SESTD1: variants seen among roughly 807,000 people sequenced by gnomAD.
SESTD1 encodes the protein SEC14 and spectrin domain containing 1, also known as SEC14 domain and spectrin repeat-containing protein 1.
A neutral mutation model predicts 101.7 loss-of-function variants in SESTD1; 43 were observed. The observed-to-expected ratio is 0.42, with a 90% CI of 0.33 to 0.55. The LOEUF is 0.55. SESTD1 is among the 20% of genes least tolerant of loss of function. The probability of loss-of-function intolerance (pLI) is 0.07; values close to 1 mark genes in which losing one functional copy is unlikely to be tolerated. For missense variants in SESTD1, 647 were observed against 815.1 expected (o/e 0.79, Z 2.51); for synonymous variants, 283 against 286.8 (o/e 0.99, Z 0.13).
rs777655584 is a variant in SESTD1 at position 179,149,330 on chromosome 2, C to T, written c.548G>A (p.Gly183Glu). Reference protein sequence around the residue: ...LLDELALINNGSDKGNQQEKE... With the variant: ...LLDELALINNESDKGNQQEKE... Reference sequence around the variant, plus strand: ...CTCTTGCTGATTTCCTTTATCACTTCCATTGTTAATCAAAGCAAGTTCATC... The same window carrying T: ...CTCTTGCTGATTTCCTTTATCACTTTCATTGTTAATCAAAGCAAGTTCATC... Residue 183 changes from glycine to glutamate, a missense_variant, in exon 7 of 18, where the codon GGA becomes GAA. Physicochemically the swap from Gly to Glu is moderately conservative, Grantham distance 98 (BLOSUM62 -2). Coordinates refer to ENST00000428443, the MANE Select transcript of SESTD1 (RefSeq NM_178123.5). 1 of 1,611,318 alleles carries T rather than the reference C, an allele frequency of 6.2e-7. No homozygotes were observed. The highest frequency in any genetic ancestry group is 1.1e-5 in the South Asian group (1 of 90,414).
rs182436159 is a variant in SESTD1 at position 179,196,427 on chromosome 2, A to G, written c.-25-4561T>C. 2.6e-5 allele frequency among the ~76,000 whole-genome samples: 4 copies of G among 152,254 alleles called. No individual in the cohort carries two copies. The East Asian group carries it at 5.8e-4, about 22-fold the overall frequency. Reference sequence around the variant, plus strand: ...GCTTGCTTAGGTAAACAAAGCAGCCAGGAAGCTCAAACTGGGTGGAGCCCA... The same window carrying G: ...GCTTGCTTAGGTAAACAAAGCAGCCGGGAAGCTCAAACTGGGTGGAGCCCA... On this transcript the variant is annotated intron_variant, in intron 1 of 17. Transcript: ENST00000428443.
At chr2:179,166,347 T>C (rs1245640634) in intron 5 of SESTD1, among the ~76,000 whole-genome samples, 1 of 152,074 alleles carries the variant, frequency 6.6e-6, no homozygotes, top group East Asian at 1.9e-4. Context: ...GCCCAAAATC[T>C]TCAATGCTAT....
At chr2:179,215,086 T>C (rs371965000) in intron 1 of SESTD1, among the ~76,000 whole-genome samples, 3 of 133,248 alleles carry the variant, frequency 2.3e-5, no homozygotes, top group Non-Finnish European at 3.2e-5. Context: ...GAACTAGAGA[T>C]GCAAGAGCAA....
At chr2:179,248,877 T>C (rs1574067007) in intron 1 of SESTD1, among the ~76,000 whole-genome samples, 1 of 149,004 alleles carries the variant, frequency 6.7e-6, no homozygotes, top group East Asian at 2.0e-4. Flanking sequence ...GCCCAGGAGT[T>C]CAAGACCAAC....
intron 17 of SESTD1, among the ~76,000 whole-genome samples, chr2:179,110,822 T>G (rs1379594038): frequency 6.6e-6 from 1 of 152,186 alleles, no homozygotes; most frequent in Non-Finnish European, 1.5e-5. Context: ...AATATTTAAT[T>G]CAGCAAAATA....
At position 179,229,749 on chromosome 2, in the gene SESTD1, TTATATATATA is replaced by T. The variant is rs71023472; in HGVS notation, c.-26+34740_-26+34749del. On this transcript the variant is annotated intron_variant, in intron 1 of 17. Transcript: ENST00000428443. ...AAGAAATTTAAGATTTTGTAAGAAC[TTATATATATA>T]TATATATATATATATACTCAAATAC... Among the ~76,000 whole-genome samples, 104 of 106,358 alleles carry T rather than the reference TTATATATATA, an allele frequency of 9.8e-4. 2 individuals carry two copies. The highest frequency in any genetic ancestry group is 1.7e-3 in the Non-Finnish European group (88 of 50,884). The allele number at this position is 106,358 out of a possible 152,430, so 69.8% of individuals were successfully genotyped here.
At chr2:179,118,719 T>C (rs531376346) in intron 13 of SESTD1, among the ~76,000 whole-genome samples, 2 of 152,372 alleles carry the variant, frequency 1.3e-5, no homozygotes, top group African/African-American at 4.8e-5. Context: ...GTATCATACA[T>C]ATACTGTATT....
intron 1 of SESTD1, among the ~76,000 whole-genome samples, chr2:179,228,306 T>C (rs189609848): frequency 4.2e-4 from 64 of 152,316 alleles, no homozygotes; most frequent in African/African-American, 1.5e-3. Context: ...CTGAATATTA[T>C]ACCTCTTACC....
At chr2:179,235,640 G>A (rs982864110) in intron 1 of SESTD1, among the ~76,000 whole-genome samples, 1 of 152,022 alleles carries the variant, frequency 6.6e-6, no homozygotes, top group Non-Finnish European at 1.5e-5. Flanking sequence ...CAGCACTATT[G>A]CCTCAATTAC....
chr2:179,259,857 TAACAA>T (rs2047457606), intron 1 of SESTD1, among the ~76,000 whole-genome samples: 2 of 152,248 alleles, frequency 1.3e-5, no homozygotes, highest in African/African-American at 4.8e-5. Context: ...GTCACAAGGC[TAACAA>T]GTGACAACAC....
chr2:179,121,843 C>A lies in SESTD1; in HGVS notation c.1369G>T (p.Val457Leu). The change falls in exon 13 of 18, where the codon GTA becomes TTA. Residue 457 changes from valine to leucine, a missense_variant. Val to Leu is a conservative substitution (Grantham distance 32). Around this residue, in one of 3 missense-constraint regions of SESTD1, gnomAD observed 476 missense variants for 562.6 expected, o/e 0.85. Coordinates refer to ENST00000428443, the MANE Select transcript of SESTD1 (RefSeq NM_178123.5). Reference sequence around the variant, plus strand: ...ACATTTTCTTTATTTTCAATGGTTACATCCTTTCCATAGGCCCAGGATGCC... The same window carrying A: ...ACATTTTCTTTATTTTCAATGGTTAAATCCTTTCCATAGGCCCAGGATGCC... ...NQASWAYGKDVTIENKENVDH... is the reference protein window; with the variant it reads ...NQASWAYGKDLTIENKENVDH... 6.2e-7 allele frequency: 1 copy of A among 1,610,380 alleles called. No homozygotes were observed. The highest frequency in any genetic ancestry group is 8.5e-7 in the Non-Finnish European group (1 of 1,178,344).
chr2:179,112,361 C>G (rs1462324643), intron 17 of SESTD1, among the ~76,000 whole-genome samples: 1 of 152,190 alleles, frequency 6.6e-6, no homozygotes, highest in Non-Finnish European at 1.5e-5. Context: ...TCACTTGGTA[C>G]TTGGCATATA....
In SESTD1 at chr2:179,121,815, T is replaced by G. The variant is rs1236310084; in HGVS notation, c.1397A>C (p.Asp466Ala). Residue 466 changes from aspartate (D) to alanine (A), a missense_variant, in exon 13 of 18, where the codon GAC (aspartate) becomes GCC (alanine). Asp to Ala is a moderately radical substitution (Grantham distance 126, BLOSUM62 -2). Transcript: ENST00000428443. ...ATCTTCCATCACTCCTTGTATGTGG[T>G]CCACATTTTCTTTATTTTCAATGGT... ...DVTIENKENV[D>A]HIQGVMEDMQ... The G allele has an allele frequency of 1.9e-6, 3 of 1,608,144 alleles. No homozygotes were observed. Among genetic ancestry groups the G allele is most frequent in the Non-Finnish European group, 1.7e-6 (2 of 1,177,456 alleles).
At position 179,107,418 on chromosome 2, in the gene SESTD1, T is replaced by A. The variant is rs1429371876; in HGVS notation, c.*2481A>T. 6.6e-6 allele frequency: 1 copy of A among 152,198 alleles called. No individual in the cohort carries two copies. The highest frequency in any genetic ancestry group is 2.4e-5 in the African/African-American group (1 of 41,452). The allele number at this position is 152,198 out of a possible 1,614,324, so 9.4% of individuals were successfully genotyped here. A position where few individuals can be genotyped will look rare whatever the true frequency, so the allele number is the denominator to read the frequency against. On this transcript the variant is annotated 3_prime_UTR_variant, in exon 18 of 18. Transcript: ENST00000428443. ...CAAGATAGCTTAAGGTATATAAAAA[T>A]TAACTCATTTGGCAATTATAACTCC...
chr2:179,171,552 G>A (rs1220824705), intron 5 of SESTD1, among the ~76,000 whole-genome samples: 3 of 151,996 alleles, frequency 2.0e-5, no homozygotes, highest in African/African-American at 4.8e-5. Context: ...TCTCCTACTG[G>A]GAAGTTGAGA....
rs964998767 is a variant in SESTD1, at chr2:179,202,774, C to G, written c.-25-10908G>C. On this transcript the variant is annotated intron_variant, in intron 1 of 17. Transcript: ENST00000428443. ...TTCTCTCCCCAAAGATGCCTGCTAC[C>G]TTCACGAATCTCTCCTGGATTCAGC... Among the ~76,000 whole-genome samples, 18 of 135,242 alleles carry G rather than the reference C, an allele frequency of 1.3e-4. 5 individuals are homozygous for G. The highest frequency in any genetic ancestry group is 4.7e-4 in the African/African-American group (16 of 34,190). The allele number at this position is 135,242 out of a possible 152,430, so 88.7% of individuals were successfully genotyped here.
At chr2:179,142,092 G>T (rs1367235112) in intron 9 of SESTD1, among the ~76,000 whole-genome samples, 1 of 152,078 alleles carries the variant, frequency 6.6e-6, no homozygotes, top group Non-Finnish European at 1.5e-5. Flanking sequence ...GGCCAATTCT[G>T]GCCCACCACC....
At chr2:179,128,709 G>A (rs2044936953) in intron 10 of SESTD1, among the ~76,000 whole-genome samples, 1 of 139,278 alleles carries the variant, frequency 7.2e-6, no homozygotes, top group African/African-American at 2.7e-5. Context: ...AGGCTGGCGA[G>A]AGAGCTAGAC....
intron 1 of SESTD1, among the ~76,000 whole-genome samples, chr2:179,202,592 G>A (rs1319215173): frequency 7.4e-6 from 1 of 134,550 alleles, no homozygotes; most frequent in African/African-American, 2.9e-5. Context: ...TTTTCCTTGA[G>A]TTTAATTTTC....
Sources: allele counts gnomAD v4.1 joint callset (sites outside exome capture counted in the v4.1 genomes callset), GRCh38; gene constraint gnomAD v4.1.1; regional missense constraint gnomAD v4.1.1; transcripts MANE v1.5; gene names NCBI Gene and HGNC (gene_info 2026-07-23, HGNC 2026-07-21).